EPS15: variants seen among roughly 807,000 people sequenced by gnomAD.
EPS15 encodes epidermal growth factor receptor pathway substrate 15.
Under a neutral mutation model 113.8 loss-of-function variants are expected in EPS15, and 72 were observed. The ratio of observed to expected loss-of-function variants is 0.63; its 90% confidence interval spans 0.52 to 0.77. The LOEUF (loss-of-function observed/expected upper bound fraction) is 0.77, where lower values mean the gene tolerates loss of function less well. EPS15 is among the 30% of genes least tolerant of loss of function. The pLI, the probability that EPS15 is intolerant of heterozygous loss-of-function variation, is 0.00. For synonymous variants in EPS15, 344 were observed against 363.4 expected (o/e 0.95, Z 0.61); for missense variants, 1,048 against 1,045.8 (o/e 1.00, Z -0.03).
intron 21 of EPS15, among the ~76,000 whole-genome samples, chr1:51,385,582 G>A (rs1647044589): frequency 1.3e-5 from 2 of 152,112 alleles, no homozygotes; most frequent in African/African-American, 4.8e-5. Context: ...ACTGAAAGCA[G>A]GGACTCAGAT....
At chr1:51,500,675 C>T (rs1644396060) in intron 1 of EPS15, among the ~76,000 whole-genome samples, 3 of 152,070 alleles carry the variant, frequency 2.0e-5, no homozygotes, top group South Asian at 2.1e-4. Flanking sequence ...ACCATCACAC[C>T]CAGCTAATTT....
intron 12 of EPS15, among the ~76,000 whole-genome samples, chr1:51,431,284 A>T (rs915541467): frequency 3.4e-4 from 52 of 152,184 alleles, no homozygotes; most frequent in African/African-American, 1.2e-3. Flanking sequence ...TTTTATTTTT[A>T]AAAATAAGAG....
chr1:51,484,004 A>T (rs539787797), intron 1 of EPS15, among the ~76,000 whole-genome samples: 10 of 152,130 alleles, frequency 6.6e-5, no homozygotes, highest in African/African-American at 2.2e-4. Context: ...TCAGCTACTC[A>T]GGAGGCTGAG....
At chr1:51,472,041 G>A (rs1429083279) in intron 3 of EPS15, among the ~76,000 whole-genome samples, 1 of 150,906 alleles carries the variant, frequency 6.6e-6, no homozygotes, top group Non-Finnish European at 1.5e-5. Flanking sequence ...GCTATCATTA[G>A]TGTTAATGTA....
intron 8 of EPS15, among the ~76,000 whole-genome samples, chr1:51,457,217 G>A (rs1654069847): frequency 6.6e-6 from 1 of 152,090 alleles, no homozygotes; most frequent in Non-Finnish European, 1.5e-5. Flanking sequence ...AACCCAGGAG[G>A]CGGAGCTTGC....
Position 51,371,494 on chromosome 1 carries a change from G to GA in EPS15, c.2120-5466dup, listed in dbSNP as rs1007826342. ...TTTCTCTTTTGCATCTTACATTTAA[G>GA]AAAAAAGTTTAAAAGTTAAAAAAAA... On this transcript the variant is annotated intron_variant, in intron 21 of 24. Transcript: ENST00000371733. Among the ~76,000 whole-genome samples, 5 of 125,224 alleles carry GA rather than the reference G, an allele frequency of 4.0e-5. No individual in the cohort carries two copies. In the East Asian group the frequency reaches 1.1e-3, roughly 28 times the overall value. The allele number at this position is 125,224 out of a possible 152,430, so 82.2% of individuals were successfully genotyped here. A position where few individuals can be genotyped will look rare whatever the true frequency, so the allele number is the denominator to read the frequency against.
intron 5 of EPS15, among the ~76,000 whole-genome samples, chr1:51,468,103 T>A (rs1570369536): frequency 6.6e-6 from 1 of 151,988 alleles, no homozygotes; most frequent in East Asian, 1.9e-4. Flanking sequence ...GGACCAGACG[T>A]GCACACCAAC....
chr1:51,475,470 A>G (rs562891396), intron 2 of EPS15, among the ~76,000 whole-genome samples: 3 of 152,306 alleles, frequency 2.0e-5, no homozygotes, highest in Admixed American at 6.5e-5. Context: ...GGCTGCATAA[A>G]TATCTTCTTT....
chr1:51,382,619 A>G (rs1166620676), intron 21 of EPS15, among the ~76,000 whole-genome samples: 2 of 151,990 alleles, frequency 1.3e-5, no homozygotes, highest in Non-Finnish European at 2.9e-5. Context: ...GGGTTTCACC[A>G]TGTTGGCCAG....
chr1:51,500,230 C>A (rs1408578037), intron 1 of EPS15, among the ~76,000 whole-genome samples: 1 of 152,208 alleles, frequency 6.6e-6, no homozygotes, highest in Non-Finnish European at 1.5e-5. Flanking sequence ...CTTTTGGTCA[C>A]TGTGGATAAT....
intron 1 of EPS15, among the ~76,000 whole-genome samples, chr1:51,497,723 A>G (rs1262978174): frequency 6.6e-6 from 1 of 152,212 alleles, no homozygotes; most frequent in Non-Finnish European, 1.5e-5. Context: ...TCATGCCTGT[A>G]ATTCCAGCAC....
chr1:51,375,839 T>G (rs559562776), intron 21 of EPS15, among the ~76,000 whole-genome samples: 1 of 151,978 alleles, frequency 6.6e-6, no homozygotes, highest in Non-Finnish European at 1.5e-5. Context: ...CAAACCAACA[T>G]AAATACATAA....
intron 1 of EPS15, among the ~76,000 whole-genome samples, chr1:51,510,640 T>G (rs1208163234): frequency 2.0e-5 from 3 of 151,990 alleles, no homozygotes; most frequent in African/African-American, 7.2e-5. Flanking sequence ...CAAACTACAG[T>G]GGAGCCGGAA....
chr1:51,396,142 C>A (rs1031643344), intron 20 of EPS15, among the ~76,000 whole-genome samples: 1 of 151,764 alleles, frequency 6.6e-6, no homozygotes. Flanking sequence ...TACTATTATA[C>A]AACTAGCACA....
chr1:51,432,179 T>C (rs907385368), intron 12 of EPS15, among the ~76,000 whole-genome samples: 3 of 152,126 alleles, frequency 2.0e-5, no homozygotes, highest in Non-Finnish European at 4.4e-5. Context: ...TCTCAATAAT[T>C]ATTGCTGTAT....
chr1:51,507,144 T>C (rs1463176081), intron 1 of EPS15, among the ~76,000 whole-genome samples: 5 of 152,198 alleles, frequency 3.3e-5, no homozygotes, highest in South Asian at 2.1e-4. Flanking sequence ...CTCAAATGTA[T>C]ACATAGAAAA....
chr1:51,496,123 C>T (rs1644319062), intron 1 of EPS15, among the ~76,000 whole-genome samples: 1 of 152,162 alleles, frequency 6.6e-6, no homozygotes, highest in South Asian at 2.1e-4. Context: ...TAGGCACTTA[C>T]ACATTAAGCC....
intron 1 of EPS15, among the ~76,000 whole-genome samples, chr1:51,504,407 C>G (rs2148555346): frequency 6.6e-6 from 1 of 152,174 alleles, no homozygotes; most frequent in African/African-American, 2.4e-5. Flanking sequence ...AAGACCCTGT[C>G]TGAAAACAAA....
chr1:51,441,779 C>T (rs1652616167), intron 11 of EPS15, among the ~76,000 whole-genome samples: 1 of 152,114 alleles, frequency 6.6e-6, no homozygotes, highest in Non-Finnish European at 1.5e-5. Context: ...ATAACTTGCT[C>T]AAAGTTGAAC....
Sources: allele counts gnomAD v4.1 joint callset (sites outside exome capture counted in the v4.1 genomes callset), GRCh38; gene constraint gnomAD v4.1.1; transcripts MANE v1.5; gene names NCBI Gene and HGNC (gene_info 2026-07-23, HGNC 2026-07-21).